SLC43A2: variants seen among roughly 807,000 people sequenced by gnomAD.
SLC43A2 encodes large neutral amino acids transporter small subunit 4.
A neutral mutation model predicts 63.2 loss-of-function variants in SLC43A2; 38 were observed. The ratio of observed to expected loss-of-function variants is 0.60; its 90% CI spans 0.46 to 0.79. The LOEUF (loss-of-function observed/expected upper bound fraction) is 0.79. SLC43A2 is among the 30% of genes least tolerant of loss of function. The probability of loss-of-function intolerance (pLI) is 0.00; values close to 1 mark genes in which losing one functional copy is unlikely to be tolerated. For missense variants in SLC43A2, 644 were observed against 756.2 expected (o/e 0.85, Z 1.74); for synonymous variants, 322 against 331.0 (o/e 0.97, Z 0.30).
chr17:1,612,443 C>T (rs1200821890), intron 5 of SLC43A2, among the ~76,000 whole-genome samples: 1 of 152,168 alleles, frequency 6.6e-6, no homozygotes, highest in African/African-American at 2.4e-5. Flanking sequence ...AGCAGAAGAC[C>T]AGATGTTCCC....
chr17:1,611,465 T>C (rs1907096500), intron 5 of SLC43A2, among the ~76,000 whole-genome samples: 1 of 151,706 alleles, frequency 6.6e-6, no homozygotes, highest in South Asian at 2.1e-4. Context: ...TGAAACCCCG[T>C]CTCTACTAAA....
At chr17:1,591,734 A>ACGGGCGCGGGGGGGGGGGGGGGG in intron 6 of SLC43A2, 35 bp from the exon 7 acceptor site, 1 of 293,096 alleles carries the variant, frequency 3.4e-6, no homozygotes, top group Non-Finnish European at 6.8e-6. Context: ...TGGGGGGGGG[A>ACGGGCGCGGGGGGGGGGGGGGGG]GGGGGCAGAG....
chr17:1,578,263 G>T lies in SLC43A2; in HGVS notation c.1411C>A (p.Leu471Met). 6.2e-7 allele frequency: 1 copy of T among 1,614,014 alleles called. No individual in the cohort carries two copies. Among genetic ancestry groups the T allele is most frequent in the Non-Finnish European group, 8.5e-7 (1 of 1,179,984 alleles). Residue 471 changes from leucine (L) to methionine (M), a missense_variant, in exon 12 of 14, where the codon CTG becomes ATG. By Grantham distance (15) the Leu-to-Met change is conservative. Transcript: ENST00000301335. The surrounding 1 kb of genome is among the most constrained non-coding windows in gnomAD (Gnocchi z 6.5). ...RGFIHSAVGG[L>M]YAAVYPSTQF... ...TCCAGGACTTACACGGCAGCGTACAGGCCCCCGACAGCGGAGTGGATGAAT... is the reference window on the plus strand; with the variant it reads ...TCCAGGACTTACACGGCAGCGTACATGCCCCCGACAGCGGAGTGGATGAAT...
Position 1,627,715 on chromosome 17 carries a change from C to A in SLC43A2, c.160G>T (p.Glu54Ter). 2 of 1,553,976 alleles carry A rather than the reference C, an allele frequency of 1.3e-6. No homozygotes were observed. The highest frequency in any genetic ancestry group is 2.5e-5 in the East Asian group (1 of 40,574). The change falls in exon 2 of 14, where the codon GAG (glutamate) becomes TAG (stop). Residue 54 changes from glutamate to a stop codon, truncating the protein, a stop_gained and splice_region_variant. Coordinates refer to ENST00000301335, the MANE Select transcript of SLC43A2 (RefSeq NM_152346.3). LOFTEE classifies it high-confidence loss of function. ...GFYSYLCTEP[E>*]NVTNGTVGGT... is the part of the protein sequence containing the mutation. ...CCGCAACCCCAGGCGCTTGTCTCACCTGGCTCGGTACACAGGTAGGAGTAA... is the reference window on the plus strand; with the variant it reads ...CCGCAACCCCAGGCGCTTGTCTCACATGGCTCGGTACACAGGTAGGAGTAA...
intron 5 of SLC43A2, among the ~76,000 whole-genome samples, chr17:1,612,077 GC>G (rs1321005064): frequency 6.6e-6 from 1 of 152,084 alleles, no homozygotes; most frequent in East Asian, 1.9e-4. Context: ...CAATTCTCCC[GC>G]CTCAGCCTCC....
rs577703411 is a variant in SLC43A2, at chr17:1,608,062, C to T, written c.501+5133G>A. The stretch of plus-strand genomic sequence containing the variant: ...TTTACAAGCCATATGGCCTCTGTCA[C>T]GACTGCGTTGACTCTGATGAGATAC... On this transcript the variant is annotated intron_variant, in intron 5 of 13. Coordinates refer to ENST00000301335, the MANE Select transcript of SLC43A2 (RefSeq NM_152346.3). 3.3e-5 allele frequency among the ~76,000 whole-genome samples: 5 copies of T among 152,218 alleles called. No individual in the cohort carries two copies. The South Asian group carries it at 8.3e-4, about 25-fold the overall frequency.
chr17:1,615,075 C>T, intron 3 of SLC43A2, 41 bp from the exon 4 acceptor site: 1 of 1,611,274 alleles, frequency 6.2e-7, no homozygotes, highest in Non-Finnish European at 8.5e-7. Context: ...ACCATTATGA[C>T]TTTATTCAGT....
chr17:1,575,475 G>C lies in SLC43A2; in HGVS notation c.*129C>G. 8.0e-7 allele frequency: 1 copy of C among 1,242,464 alleles called. No individual in the cohort carries two copies. The highest frequency in any genetic ancestry group is 1.2e-6 in the Non-Finnish European group (1 of 867,072). The allele number at this position is 1,242,464 out of a possible 1,614,324, so 77.0% of individuals were successfully genotyped here. On this transcript the variant is annotated 3_prime_UTR_variant, in exon 14 of 14. Transcript: ENST00000301335. ...CCACAGAGCTCCGAGGCAGGGCCCC[G>C]GGAGGGAGCGTGAACGCTGGCACGG...
At chr17:1,599,998 T>A (rs1466971965) in intron 5 of SLC43A2, among the ~76,000 whole-genome samples, 7 of 145,850 alleles carry the variant, frequency 4.8e-5, no homozygotes, top group Non-Finnish European at 9.0e-5. Context: ...GAGCTGAGAT[T>A]GCGCCACTGC....
intron 6 of SLC43A2, among the ~76,000 whole-genome samples, chr17:1,592,815 C>T (rs1344709428): frequency 6.6e-6 from 1 of 152,006 alleles, no homozygotes; most frequent in African/African-American, 2.4e-5. Flanking sequence ...CTTTGGCTGG[C>T]GGGGAGTAAC....
At chr17:1,610,856 T>C (rs1022538470) in intron 5 of SLC43A2, among the ~76,000 whole-genome samples, 4 of 151,788 alleles carry the variant, frequency 2.6e-5, no homozygotes, top group Admixed American at 6.5e-5. Context: ...TTTTTTTTTT[T>C]TGAGGGGGAG....
chr17:1,591,648 C>T lies in SLC43A2; in HGVS notation c.646G>A (p.Gly216Ser), dbSNP rs935113811. 65 of 1,547,918 alleles carry T rather than the reference C, an allele frequency of 4.2e-5. No individual in the cohort carries two copies. The highest frequency in any genetic ancestry group is 2.4e-4 in the Admixed American group (12 of 50,696). The change falls in exon 7 of 14, where the codon GGC becomes AGC. Residue 216 changes from glycine to serine, a missense_variant. Coordinates refer to ENST00000301335, the MANE Select transcript of SLC43A2 (RefSeq NM_152346.3). ...TTGAGGAAAACCAGCCCGGAGCAGC[C>T]GGCCCAGACCACGAGGACGACGATG... is the stretch of plus-strand genomic sequence containing the variant. ...SFIVVLVVWAGCSGLVFLNCF... is the reference protein window; with the variant it reads ...SFIVVLVVWASCSGLVFLNCF...
chr17:1,598,848 G>A (rs941805356), intron 5 of SLC43A2, among the ~76,000 whole-genome samples: 1 of 152,178 alleles, frequency 6.6e-6, no homozygotes, highest in East Asian at 1.9e-4. Context: ...CCTGGACAGG[G>A]CAGGGGCCTC....
rs1388465321 is a variant in SLC43A2, at chr17:1,585,569, C to A, written c.1217+344G>T. 1.1e-5 allele frequency: 9 copies of A among 841,420 alleles called. No individual in the cohort carries two copies. The East Asian group carries it at 5.4e-4, about 51-fold the overall frequency. The allele number at this position is 841,420 out of a possible 1,614,324, so 52.1% of individuals were successfully genotyped here. A position where few individuals can be genotyped will look rare whatever the true frequency, so the allele number is the denominator to read the frequency against. Reference sequence around the variant, plus strand: ...CCAATTTTTAAATTTTTTGTAGAGACGGGGAGTGGGGGCTGGCCATGTTTC... The same window carrying A: ...CCAATTTTTAAATTTTTTGTAGAGAAGGGGAGTGGGGGCTGGCCATGTTTC... On this transcript the variant is annotated intron_variant, in intron 10 of 13. Transcript: ENST00000301335.
chr17:1,614,347 G>A (rs1464032349), intron 4 of SLC43A2, among the ~76,000 whole-genome samples: 1 of 152,028 alleles, frequency 6.6e-6, no homozygotes, highest in African/African-American at 2.4e-5. Context: ...GGAGGTCCAG[G>A]GTGCAGTAAG....
chr17:1,613,794 T>A (rs2151072652), intron 4 of SLC43A2, among the ~76,000 whole-genome samples: 1 of 152,210 alleles, frequency 6.6e-6, no homozygotes, highest in South Asian at 2.1e-4. Context: ...CCCATCTTCT[T>A]TTCTCCAATT....
At chr17:1,618,130 C>A (rs1411646320) in intron 2 of SLC43A2, among the ~76,000 whole-genome samples, 1 of 152,234 alleles carries the variant, frequency 6.6e-6, no homozygotes, top group African/African-American at 2.4e-5. Context: ...TCCAAGGTTA[C>A]TGGAAAGGAT....
In SLC43A2 at chr17:1,569,396, A is replaced by C. The variant is rs1434437517; in HGVS notation, c.*6208T>G. 1 of 152,228 alleles carries C rather than the reference A, an allele frequency of 6.6e-6. No homozygotes were observed. Among genetic ancestry groups the C allele is most frequent in the Non-Finnish European group, 1.5e-5 (1 of 68,056 alleles). The allele number at this position is 152,228 out of a possible 1,614,324, so 9.4% of individuals were successfully genotyped here. ...TGACCCTGGTTAATACAGGGTACGG[A>C]TTAACCCTTCAGGCTCCCTTCCGAG... On this transcript the variant is annotated 3_prime_UTR_variant, in exon 14 of 14. Coordinates refer to ENST00000301335, the MANE Select transcript of SLC43A2 (RefSeq NM_152346.3).
chr17:1,592,819 G>A (rs1290690820), intron 6 of SLC43A2, among the ~76,000 whole-genome samples: 2 of 152,182 alleles, frequency 1.3e-5, no homozygotes, highest in African/African-American at 4.8e-5. Context: ...GGCTGGCGGG[G>A]AGTAACGGTA....
Sources: allele counts gnomAD v4.1 joint callset (sites outside exome capture counted in the v4.1 genomes callset), GRCh38; gene constraint gnomAD v4.1.1; non-coding constraint Gnocchi (gnomAD v3.1); transcripts MANE v1.5; gene names NCBI Gene and HGNC (gene_info 2026-07-23, HGNC 2026-07-21).